The following SBNO2 variants were observed in gnomAD, a reference collection of about 807,000 sequenced individuals.
The protein encoded by SBNO2 is protein strawberry notch homolog 2.
A neutral mutation model predicts 146.3 loss-of-function variants in SBNO2; 89 were observed. That is an observed-to-expected ratio of 0.61 (90% CI 0.51 to 0.73). SBNO2 has a LOEUF of 0.73. SBNO2 is among the 30% of genes least tolerant of loss of function. The pLI is 0.00. For missense variants in SBNO2, 2,092 were observed against 2,003.7 expected, an observed-to-expected ratio of 1.04 and a Z score of -0.84; for synonymous variants, 1,147 against 892.6, an observed-to-expected ratio of 1.29 and a Z score of -5.08.
intron 4 of SBNO2, chr19:1,132,240 G>C (rs1210221479): frequency 5.4e-6 from 7 of 1,302,950 alleles, no homozygotes; most frequent in Non-Finnish European, 6.8e-6. Flanking sequence ...CGGGGCGGAC[G>C]GGGGCGGCTC....
intron 16 of SBNO2, 50 bp from the exon 17 acceptor site, chr19:1,116,153 CG>C: frequency 6.5e-7 from 1 of 1,546,812 alleles, no homozygotes; most frequent in Non-Finnish European, 8.8e-7. Context: ...TGAGGCCAGG[CG>C]GGGTTGCTCT....
Position 1,111,619 on chromosome 19 carries a change from G to A in SBNO2, c.2701-5C>T, listed in dbSNP as rs1181354107. ...GTGCAGGGCCCGGGTGCCATACTAGGGGGAGAAGGTGACTCGGGGAGGAGG... is the reference window on the plus strand; with the variant it reads ...GTGCAGGGCCCGGGTGCCATACTAGAGGGAGAAGGTGACTCGGGGAGGAGG... On this transcript the variant is annotated splice_region_variant and splice_polypyrimidine_tract_variant and intron_variant, in intron 23 of 31. Transcript: ENST00000361757. The A allele has an allele frequency of 2.5e-6, 4 of 1,574,328 alleles. No homozygotes were observed. The Admixed American group carries it at 7.4e-5, about 29-fold the overall frequency.
rs772449297 is a variant in SBNO2 at position 1,113,676 on chromosome 19, C to G, written c.2106G>C (p.Pro702=). ...CCCGCTCCAGGACCCCGGGGCCATG[C>G]GGGTCTCTCTGCAGGAGGCACAGGG... The part of the protein sequence containing the change: ...RGPLCLLQRD[P]HGPGVLERVE... Residue 702 remains proline (P), a synonymous_variant, in exon 19 of 32, where the codon CCG becomes CCC. Transcript: ENST00000361757. 1.9e-6 allele frequency: 3 copies of G among 1,590,078 alleles called. No homozygotes were observed. The highest frequency in any genetic ancestry group is 1.4e-5 in the African/African-American group (1 of 72,744).
intron 9 of SBNO2, 25 bp from the exon 10 acceptor site, chr19:1,122,583 G>A (rs1412127388): frequency 1.4e-5 from 22 of 1,517,268 alleles, no homozygotes; most frequent in South Asian, 9.7e-5. Context: ...CGTCAGGCGC[G>A]CCCACCCTTC....
At chr19:1,118,482 A>C (rs2145211940) in intron 14 of SBNO2, among the ~76,000 whole-genome samples, 1 of 152,352 alleles carries the variant, frequency 6.6e-6, no homozygotes, top group East Asian at 1.9e-4. Flanking sequence ...ACCAACTGCC[A>C]GCTGTGGGCC....
chr19:1,139,369 C>A (rs1421779708), intron 4 of SBNO2, among the ~76,000 whole-genome samples: 1 of 152,092 alleles, frequency 6.6e-6, no homozygotes, highest in Non-Finnish European at 1.5e-5. Context: ...GGGGACAGGG[C>A]CTCCTCTAGG....
At chr19:1,122,089 T>C (rs1599839071) in intron 11 of SBNO2, 50 bp downstream of exon 11, 6 of 699,782 alleles carry the variant, frequency 8.6e-6, no homozygotes, top group South Asian at 8.1e-5. Flanking sequence ...TCCTTTTCCC[T>C]CCGACCCCCT....
Position 1,122,452 on chromosome 19 carries a change from C to T in SBNO2, c.1005+16G>A, listed in dbSNP as rs371248875. On this transcript the variant is annotated intron_variant, in intron 10 of 31. Coordinates refer to ENST00000361757, the MANE Select transcript of SBNO2 (RefSeq NM_014963.3). Reference sequence around the variant, plus strand: ...GTCCCCACCTTGCCCCCTACTTTGCCGAGCACAGCCCCTACCTTGCTGAGC... The same window carrying T: ...GTCCCCACCTTGCCCCCTACTTTGCTGAGCACAGCCCCTACCTTGCTGAGC... 54 of 1,563,748 alleles carry T rather than the reference C, an allele frequency of 3.5e-5. 1 individual carries two copies. In the Admixed American group the frequency reaches 5.4e-4, roughly 16 times the overall value.
chr19:1,146,603 C>G (rs2080192168), intron 4 of SBNO2, among the ~76,000 whole-genome samples: 1 of 151,816 alleles, frequency 6.6e-6, no homozygotes, highest in Non-Finnish European at 1.5e-5. Flanking sequence ...CCCCGGGTCC[C>G]ACACGGAGGC....
chr19:1,153,584 C>G (rs1022214647), intron 2 of SBNO2, among the ~76,000 whole-genome samples: 5 of 151,858 alleles, frequency 3.3e-5, no homozygotes, highest in African/African-American at 1.2e-4. Flanking sequence ...GTCGCCCAGG[C>G]TAGAGTTCAG....
chr19:1,163,740 C>A (rs554665773), intron 1 of SBNO2, among the ~76,000 whole-genome samples: 2 of 152,220 alleles, frequency 1.3e-5, no homozygotes, highest in African/African-American at 2.4e-5. Context: ...GGCCCAGCAC[C>A]GCCTGACATT....
intron 1 of SBNO2, among the ~76,000 whole-genome samples, chr19:1,165,344 G>A (rs1268054266): frequency 2.0e-5 from 3 of 152,174 alleles, no homozygotes; most frequent in Non-Finnish European, 2.9e-5. Context: ...CCCCGAAAGT[G>A]GAAGCCACAG....
At chr19:1,162,911 C>T (rs561620887) in intron 1 of SBNO2, among the ~76,000 whole-genome samples, 7 of 152,300 alleles carry the variant, frequency 4.6e-5, no homozygotes, top group Admixed American at 2.0e-4. Context: ...GGGGAGGGGA[C>T]GTTGGGGCTG....
intron 4 of SBNO2, among the ~76,000 whole-genome samples, chr19:1,130,875 C>T (rs941699032): frequency 6.6e-6 from 1 of 152,210 alleles, no homozygotes; most frequent in East Asian, 1.9e-4. Flanking sequence ...CTCGAGGCCC[C>T]GCCCTGCTCC....
chr19:1,169,396 C>G (rs2080456683), intron 1 of SBNO2, among the ~76,000 whole-genome samples: 1 of 152,244 alleles, frequency 6.6e-6, no homozygotes. Context: ...GCTGAGCTCT[C>G]ACGGGGCCTC....
chr19:1,124,212 A>G (rs1306495327), intron 5 of SBNO2, 190 bp from the exon 6 acceptor site: 1 of 626,684 alleles, frequency 1.6e-6, no homozygotes, highest in Non-Finnish European at 2.8e-6. Context: ...AAGCCTCCCC[A>G]GTGGGCACCT....
At position 1,109,016 on chromosome 19, in the gene SBNO2, C is replaced by T. The variant is rs1288786091; in HGVS notation, c.3426-47G>A. On this transcript the variant is annotated intron_variant, in intron 30 of 31. Transcript: ENST00000361757. This position sits in a 1 kb window ranked among gnomAD's most constrained non-coding sequence, Gnocchi z 4.2. ...TCGGCTCAGGCGGGTCCCAGGGGCC[C>T]GCAGGCTCCCCAGGTGCCCTGAGAT... 12 of 1,489,144 alleles carry T rather than the reference C, an allele frequency of 8.1e-6. No homozygotes were observed. The highest frequency in any genetic ancestry group is 2.5e-5 in the East Asian group (1 of 40,406). 92.2% of individuals were successfully genotyped at this position (1,489,144 alleles called of 1,614,324 possible). A position where few individuals can be genotyped will look rare whatever the true frequency, so the allele number is the denominator to read the frequency against.
chr19:1,166,732 C>T (rs1249048762), intron 1 of SBNO2, among the ~76,000 whole-genome samples: 1 of 152,192 alleles, frequency 6.6e-6, no homozygotes, highest in Non-Finnish European at 1.5e-5. Flanking sequence ...GTCTTTTTCT[C>T]CTGAGCAGAC....
In SBNO2 at chr19:1,109,050, T is replaced by G. The variant is rs1464063425; in HGVS notation, c.3426-81A>C. ...CCCAGGTGCCCTGAGATCTCCCGCCTCCTCTCAGGGTCTCGGGAGCCCCCG... is the reference window on the plus strand; with the variant it reads ...CCCAGGTGCCCTGAGATCTCCCGCCGCCTCTCAGGGTCTCGGGAGCCCCCG... On this transcript the variant is annotated intron_variant, in intron 30 of 31. Coordinates refer to ENST00000361757, the MANE Select transcript of SBNO2 (RefSeq NM_014963.3). The surrounding 1 kb of genome is among the most constrained non-coding windows in gnomAD (Gnocchi z 4.2). 17 of 1,508,064 alleles carry G rather than the reference T, an allele frequency of 1.1e-5. No homozygotes were observed. The highest frequency in any genetic ancestry group is 1.5e-5 in the Non-Finnish European group (17 of 1,127,896). The allele number at this position is 1,508,064 out of a possible 1,614,324, so 93.4% of individuals were successfully genotyped here. A position where few individuals can be genotyped will look rare whatever the true frequency, so the allele number is the denominator to read the frequency against.
Sources: gnomAD v4.1 joint callset for allele counts (sites outside exome capture counted in the v4.1 genomes callset) on GRCh38, gnomAD v4.1.1 for gene constraint, Gnocchi (gnomAD v3.1) non-coding constraint, MANE v1.5 for transcripts, NCBI Gene and HGNC (gene_info 2026-07-23, HGNC 2026-07-21) for gene names.